STAG1: variants seen among roughly 807,000 people sequenced by gnomAD.
STAG1 encodes the protein cohesin subunit SA-1.
Under a neutral mutation model 170.9 loss-of-function variants are expected in STAG1, and 26 were observed. That is an observed-to-expected ratio of 0.15 (90% CI 0.11 to 0.21). The LOEUF (loss-of-function observed/expected upper bound fraction) is 0.21. Ranked by LOEUF, STAG1 falls within the 10% of genes least tolerant of loss-of-function variation. The pLI, the probability that STAG1 is intolerant of heterozygous loss-of-function variation, is 1.00. For missense variants in STAG1, 964 were observed against 1,509.5 expected (o/e 0.64, Z 5.99); for synonymous variants, 514 against 497.7 (o/e 1.03, Z -0.44).
chr3:136,442,194 TCA>T (rs369613052), intron 15 of STAG1, among the ~76,000 whole-genome samples: 3 of 151,794 alleles, frequency 2.0e-5, no homozygotes, highest in Admixed American at 6.6e-5. Flanking sequence ...CAAGACTCAA[TCA>T]CACACACACA....
At chr3:136,726,748 CTCT>C (rs1933711232) in intron 1 of STAG1, among the ~76,000 whole-genome samples, 1 of 152,046 alleles carries the variant, frequency 6.6e-6, no homozygotes. Flanking sequence ...TTAAACATTC[CTCT>C]TCTTAAAACT....
intron 16 of STAG1, among the ~76,000 whole-genome samples, chr3:136,425,585 T>TC (rs1341930679): frequency 2.0e-5 from 3 of 151,420 alleles, no homozygotes; most frequent in African/African-American, 7.3e-5. Flanking sequence ...TTCAAAAAAA[T>TC]AAGTTTGGGA....
chr3:136,609,556 A>T (rs1278631234), intron 3 of STAG1: 3 of 153,312 alleles, frequency 2.0e-5, no homozygotes, highest in Non-Finnish European at 4.4e-5. Flanking sequence ...AGCAAAACCA[A>T]GAAGAGTCCA....
chr3:136,377,477 A>G (rs1372336276), intron 23 of STAG1, among the ~76,000 whole-genome samples, 183 bp downstream of exon 23: 1 of 150,944 alleles, frequency 6.6e-6, no homozygotes, highest in Non-Finnish European at 1.5e-5. Flanking sequence ...AATGTATATT[A>G]TATAATAAGT....
At chr3:136,691,150 A>T (rs1016720938) in intron 1 of STAG1, among the ~76,000 whole-genome samples, 3 of 151,766 alleles carry the variant, frequency 2.0e-5, no homozygotes, top group African/African-American at 7.3e-5. Context: ...ATACAAAAAA[A>T]ATTGTTTGGG....
chr3:136,474,672 T>A (rs1224892383), intron 10 of STAG1, among the ~76,000 whole-genome samples: 1 of 152,214 alleles, frequency 6.6e-6, no homozygotes, highest in Non-Finnish European at 1.5e-5. Flanking sequence ...TGAGATGTGC[T>A]ATGAGATAAC....
rs935045575 is a variant in STAG1, at chr3:136,630,990, T to TA, written c.-83-10dup. ...TAACCTCAAAGGCAATCCTGTCAAT[T>TA]AAAAAAAAGAAATTATTTTAAAATA... is the stretch of plus-strand genomic sequence containing the variant. On this transcript the variant is annotated splice_polypyrimidine_tract_variant and intron_variant, in intron 1 of 33. Coordinates refer to ENST00000383202, the MANE Select transcript of STAG1 (RefSeq NM_005862.3). 3.3e-5 allele frequency: 39 copies of TA among 1,195,292 alleles called. No individual in the cohort carries two copies. Among genetic ancestry groups the TA allele is most frequent in the Non-Finnish European group, 4.0e-5 (34 of 858,744 alleles). The allele number at this position is 1,195,292 out of a possible 1,614,324, so 74.0% of individuals were successfully genotyped here. A position where few individuals can be genotyped will look rare whatever the true frequency, so the allele number is the denominator to read the frequency against.
intron 10 of STAG1, among the ~76,000 whole-genome samples, chr3:136,475,337 G>A (rs1166048856): frequency 3.3e-5 from 5 of 151,944 alleles, no homozygotes; most frequent in African/African-American, 1.2e-4. Flanking sequence ...AGTAGAGACA[G>A]GGTTTTGCCA....
chr3:136,619,025 A>G (rs1054834470), intron 3 of STAG1, among the ~76,000 whole-genome samples: 7 of 152,156 alleles, frequency 4.6e-5, no homozygotes, highest in African/African-American at 1.7e-4. Context: ...TTACATGTGT[A>G]TATGTGTGTA....
chr3:136,690,292 AGTG>A (rs1447713559), intron 1 of STAG1, among the ~76,000 whole-genome samples: 1 of 152,136 alleles, frequency 6.6e-6, no homozygotes, highest in Admixed American at 6.5e-5. Context: ...GCTGGAGTGC[AGTG>A]GCACAATCTC....
intron 6 of STAG1, among the ~76,000 whole-genome samples, chr3:136,532,222 C>G (rs553924147): frequency 3.6e-4 from 55 of 152,220 alleles, no homozygotes; most frequent in Middle Eastern, 6.8e-3. Context: ...TATACACTAA[C>G]AAATTGCTTG....
chr3:136,350,726 C>T (rs1467644097), intron 28 of STAG1, among the ~76,000 whole-genome samples: 1 of 152,106 alleles, frequency 6.6e-6, no homozygotes, highest in Non-Finnish European at 1.5e-5. Flanking sequence ...GAAGAAACTG[C>T]AGCTGGAGAG....
intron 32 of STAG1, among the ~76,000 whole-genome samples, chr3:136,340,092 T>C (rs1305253879): frequency 1.3e-5 from 2 of 152,220 alleles, no homozygotes; most frequent in Non-Finnish European, 1.5e-5. Context: ...CCACTGTTGT[T>C]GATCAGTGTC....
At position 136,701,031 on chromosome 3, in the gene STAG1, G is replaced by A. The variant is rs150853622; in HGVS notation, c.-84+51164C>T. ...CGAGTAGCTGGAACAACGGGCACATGCCACCACACTTGGCTAATTTTTGTA... is the reference window on the plus strand; with the variant it reads ...CGAGTAGCTGGAACAACGGGCACATACCACCACACTTGGCTAATTTTTGTA... On this transcript the variant is annotated intron_variant, in intron 1 of 33. Coordinates refer to ENST00000383202, the MANE Select transcript of STAG1 (RefSeq NM_005862.3). 1.7e-3 allele frequency among the ~76,000 whole-genome samples: 254 copies of A among 151,376 alleles called. 1 individual carries two copies. The highest frequency in any genetic ancestry group is 5.8e-3 in the African/African-American group (241 of 41,272).
chr3:136,409,368 A>G (rs2087564964), intron 21 of STAG1, among the ~76,000 whole-genome samples: 1 of 151,972 alleles, frequency 6.6e-6, no homozygotes, highest in South Asian at 2.1e-4. Flanking sequence ...TTCCTTTGAG[A>G]CAGTCTCATC....
At chr3:136,413,448 C>A (rs972065436) in intron 21 of STAG1, among the ~76,000 whole-genome samples, 2 of 151,348 alleles carry the variant, frequency 1.3e-5, no homozygotes, top group African/African-American at 4.9e-5. Flanking sequence ...TTTTGATCTG[C>A]CACATATTAT....
intron 1 of STAG1, among the ~76,000 whole-genome samples, chr3:136,720,411 C>A (rs1417571739): frequency 6.6e-6 from 1 of 152,092 alleles, no homozygotes; most frequent in African/African-American, 2.4e-5. Flanking sequence ...AACACAGTCC[C>A]AGGAGAATGT....
chr3:136,507,072 T>C (rs1297774233), intron 7 of STAG1, among the ~76,000 whole-genome samples: 2 of 152,200 alleles, frequency 1.3e-5, no homozygotes, highest in Non-Finnish European at 2.9e-5. Flanking sequence ...GGAAGTACTA[T>C]TATTAGTTCC....
intron 31 of STAG1, 49 bp downstream of exon 31, chr3:136,341,392 G>A (rs1935963554): frequency 8.4e-7 from 1 of 1,186,602 alleles, no homozygotes; most frequent in African/African-American, 1.5e-5. Context: ...ACAAAATGAT[G>A]GGCATCACAT....
Sources: allele counts gnomAD v4.1 joint callset (sites outside exome capture counted in the v4.1 genomes callset), GRCh38; gene constraint gnomAD v4.1.1; transcripts MANE v1.5; gene names NCBI Gene and HGNC (gene_info 2026-07-23, HGNC 2026-07-21).